Variants in GRIK2 observed in about 807,000 individuals in gnomAD.
GRIK2 encodes the protein glutamate receptor ionotropic, kainate 2.
A neutral mutation model predicts 100.3 loss-of-function variants in GRIK2; 32 were observed. The observed-to-expected ratio is 0.32, with a 90% confidence interval of 0.24 to 0.43. The LOEUF is 0.43. Among genes scored for constraint, GRIK2 ranks in the 20% least tolerant of loss-of-function variants. The probability of loss-of-function intolerance (pLI) is 1.00; values close to 1 mark genes in which losing one functional copy is unlikely to be tolerated. For synonymous variants in GRIK2, 417 were observed against 389.4 expected (o/e 1.07, Z -0.83); for missense variants, 843 against 1,114.9 (o/e 0.76, Z 3.47).
chr6:101,912,875 A>G (rs1788842544), intron 12 of GRIK2, among the ~76,000 whole-genome samples: 1 of 151,576 alleles, frequency 6.6e-6, no homozygotes, highest in Admixed American at 6.6e-5. Flanking sequence ...AGAAACTTGC[A>G]CTTAAGATGA....
intron 2 of GRIK2, among the ~76,000 whole-genome samples, chr6:101,601,915 T>C (rs559265338): frequency 1.3e-5 from 2 of 151,878 alleles, no homozygotes; most frequent in African/African-American, 4.8e-5. Flanking sequence ...GTATGGGCTT[T>C]GGGTCTTAAT....
At chr6:101,402,058 C>T (rs539598573) in intron 2 of GRIK2, among the ~76,000 whole-genome samples, 2 of 152,296 alleles carry the variant, frequency 1.3e-5, no homozygotes, top group Non-Finnish European at 2.9e-5. Context: ...CTTCCCCTTG[C>T]TCCCGCTAGG....
chr6:102,046,833 T>C (rs1770913761), intron 15 of GRIK2, among the ~76,000 whole-genome samples: 2 of 152,070 alleles, frequency 1.3e-5, no homozygotes, highest in South Asian at 4.1e-4. Context: ...TCTTAACAAA[T>C]TCAAAAAGGT....
chr6:101,462,525 T>C (rs1409841740), intron 2 of GRIK2, among the ~76,000 whole-genome samples: 1 of 152,170 alleles, frequency 6.6e-6, no homozygotes, highest in Non-Finnish European at 1.5e-5. Flanking sequence ...TTTTATAGTA[T>C]AAAATGTTAT....
chr6:101,447,293 C>T (rs1770433747), intron 2 of GRIK2, among the ~76,000 whole-genome samples: 1 of 151,414 alleles, frequency 6.6e-6, no homozygotes, highest in Admixed American at 6.6e-5. Flanking sequence ...CCACAAATTT[C>T]CATGGGGAAC....
chr6:101,756,750 C>G (rs1777162031), intron 7 of GRIK2, among the ~76,000 whole-genome samples: 1 of 152,076 alleles, frequency 6.6e-6, no homozygotes, highest in African/African-American at 2.4e-5. Context: ...ACTGCAAATA[C>G]AAGAGTACTA....
chr6:101,828,339 A>G (rs1042737390), intron 10 of GRIK2, among the ~76,000 whole-genome samples: 1 of 151,978 alleles, frequency 6.6e-6, no homozygotes, highest in Non-Finnish European at 1.5e-5. Flanking sequence ...AAAGATCTCA[A>G]ATTAACAACC....
In GRIK2 at chr6:101,489,971, A is replaced by G. The variant is rs145339438; in HGVS notation, c.115+90579A>G. ...TTATCAGAGAAAGAAAAAATGTTAA[A>G]GTGCTAGTGATATTTTTAAATGACT... On this transcript the variant is annotated intron_variant, in intron 2 of 16. Coordinates refer to ENST00000369134, the MANE Select transcript of GRIK2 (RefSeq NM_021956.5). Among the ~76,000 whole-genome samples the G allele has an allele frequency of 2.6e-3, 388 of 146,852 alleles. 33 individuals are homozygous for G. The highest frequency in any genetic ancestry group is 7.0e-3 in the Middle Eastern group (2 of 284).
At chr6:101,687,305 T>C (rs1771765985) in intron 7 of GRIK2, among the ~76,000 whole-genome samples, 1 of 151,952 alleles carries the variant, frequency 6.6e-6, no homozygotes. Flanking sequence ...TCTTATTAAA[T>C]CATTTTTCTA....
At chr6:101,893,859 C>A (rs905456016) in intron 12 of GRIK2, among the ~76,000 whole-genome samples, 3 of 151,636 alleles carry the variant, frequency 2.0e-5, no homozygotes, top group African/African-American at 7.2e-5. Context: ...ACAATCAGTG[C>A]ATATATCTGG....
At chr6:101,881,898 C>T (rs1381134496) in intron 11 of GRIK2, among the ~76,000 whole-genome samples, 1 of 151,924 alleles carries the variant, frequency 6.6e-6, no homozygotes, top group African/African-American at 2.4e-5. Flanking sequence ...AGTCCATTTT[C>T]ACGCTGTTGA....
chr6:102,054,076 C>A (rs1771344661), intron 15 of GRIK2, among the ~76,000 whole-genome samples: 1 of 152,086 alleles, frequency 6.6e-6, no homozygotes, highest in Admixed American at 6.6e-5. Flanking sequence ...ATGGGCAATG[C>A]CCCTATTTAG....
intron 7 of GRIK2, among the ~76,000 whole-genome samples, chr6:101,707,606 G>GTATATA (rs201561174): frequency 3.4e-4 from 42 of 122,934 alleles, no homozygotes; most frequent in African/African-American, 1.4e-3. Context: ...ATATATGTGT[G>GTATATA]TATATATATA....
intron 2 of GRIK2, among the ~76,000 whole-genome samples, chr6:101,449,139 T>C (rs972786547): frequency 1.2e-4 from 18 of 151,636 alleles, no homozygotes; most frequent in Admixed American, 1.3e-4. Flanking sequence ...ACAAATTCTC[T>C]TAAGGAATAA....
chr6:101,955,891 A>C (rs955500423), intron 14 of GRIK2, among the ~76,000 whole-genome samples: 1 of 151,794 alleles, frequency 6.6e-6, no homozygotes, highest in South Asian at 2.1e-4. Context: ...TTGTTGCTTC[A>C]TTAGTTTTCA....
intron 7 of GRIK2, among the ~76,000 whole-genome samples, chr6:101,700,456 T>A (rs767497533): frequency 3.3e-5 from 5 of 151,992 alleles, no homozygotes; most frequent in African/African-American, 1.2e-4. Flanking sequence ...GGAAAGCCAT[T>A]AAAGATGTTA....
chr6:102,035,500 A>G lies in GRIK2; in HGVS notation c.2245A>G (p.Asn749Asp). The G allele has an allele frequency of 6.2e-7, 1 of 1,610,198 alleles. No homozygotes were observed. The highest frequency in any genetic ancestry group is 8.5e-7 in the Non-Finnish European group (1 of 1,177,342). Residue 749 changes from asparagine (N) to aspartate (D), a missense_variant, in exon 15 of 17, where the codon AAC (asparagine) becomes GAC (aspartate). Around this residue, in one of 3 missense-constraint regions of GRIK2, gnomAD observed 237 missense variants for 388.0 expected, o/e 0.61. Transcript: ENST00000369134. ...AACCATCGAGTTTGTTACCCAGCGG[A>G]ACTGTAACCTGACACAGATTGGCGG... ...STTIEFVTQR[N>D]CNLTQIGGLI...
chr6:101,863,846 G>C (rs2128445121), intron 11 of GRIK2, among the ~76,000 whole-genome samples: 1 of 152,326 alleles, frequency 6.6e-6, no homozygotes, highest in South Asian at 2.1e-4. Flanking sequence ...ATTGAATGAA[G>C]ATGTGGATTG....
chr6:101,630,847 C>T (rs1482409800), intron 4 of GRIK2, among the ~76,000 whole-genome samples: 1 of 147,484 alleles, frequency 6.8e-6, no homozygotes, highest in African/African-American at 2.5e-5. Flanking sequence ...CACACATGTG[C>T]TTTTTTTTTT....
Sources: allele counts gnomAD v4.1 joint callset (sites outside exome capture counted in the v4.1 genomes callset), GRCh38; gene constraint gnomAD v4.1.1; regional missense constraint gnomAD v4.1.1; transcripts MANE v1.5; gene names NCBI Gene and HGNC (gene_info 2026-07-23, HGNC 2026-07-21).